The following VEPH1 variants were observed in gnomAD, a reference collection of about 807,000 sequenced individuals.
VEPH1 encodes the protein ventricular zone expressed PH domain containing 1.
Under a neutral mutation model 85.2 loss-of-function variants are expected in VEPH1, and 80 were observed. That is an observed-to-expected ratio of 0.94 (90% confidence interval 0.78 to 1.13). The LOEUF is 1.13. Among genes scored for constraint, VEPH1 ranks in the 50% most tolerant of loss-of-function variants. VEPH1 has a pLI of 0.00. For synonymous variants in VEPH1, 297 were observed against 348.0 expected (o/e 0.85, Z 1.63); for missense variants, 955 against 980.5 (o/e 0.97, Z 0.35).
rs966447344 is a variant in VEPH1, at chr3:157,467,064, G to A, written c.354+3250C>T. ...GAAAAGGAATGGTCACCTGAAGTAG[G>A]TTTGAGCGTAGGCCGACAAGAGGAA... On this transcript the variant is annotated intron_variant, in intron 3 of 13. Transcript: ENST00000362010. Among the ~76,000 whole-genome samples the A allele has an allele frequency of 3.9e-5, 6 of 151,976 alleles. No homozygotes were observed. In the East Asian group the frequency reaches 1.2e-3, roughly 29 times the overall value.
At chr3:157,368,476 G>GTTTT (rs59050089) in intron 7 of VEPH1, among the ~76,000 whole-genome samples, 52,831 of 139,704 alleles carry the variant, frequency 0.38, 10,361 homozygotes, top group East Asian at 0.7. Context: ...TAAACAATAA[G>GTTTT]TTTTTTGTTT....
intron 9 of VEPH1, among the ~76,000 whole-genome samples, chr3:157,331,442 A>G (rs1722496563): frequency 6.6e-6 from 1 of 152,178 alleles, no homozygotes; most frequent in Non-Finnish European, 1.5e-5. Context: ...TTTCAGCCCC[A>G]TGCATGCCTT....
chr3:157,503,434 G>A (rs1237069532), upstream of VEPH1: 1 of 152,228 alleles, frequency 6.6e-6, no homozygotes, highest in African/African-American at 2.4e-5. Flanking sequence ...TGCCTGTCAA[G>A]CCAGTGGTAC....
rs117287461 is a variant in VEPH1 at position 157,435,443 on chromosome 3, G to C, written c.530-6955C>G. Among the ~76,000 whole-genome samples the C allele has an allele frequency of 3.3e-3, 504 of 152,332 alleles. 4 individuals carry two copies. The highest frequency in any genetic ancestry group is 0.031 in the East Asian group (161 of 5,182). ...AAAGGGACCTTGTAGAGTTCAAAGA[G>C]AGACATGATTGCTTCCTACCTCTTT... On this transcript the variant is annotated intron_variant, in intron 4 of 13. Transcript: ENST00000362010.
chr3:157,442,582 G>A (rs879192748), intron 4 of VEPH1: 2 of 1,614,110 alleles, frequency 1.2e-6, no homozygotes, highest in Admixed American at 1.7e-5. Flanking sequence ...TTTGTGGTGG[G>A]TGGAGAGGAG....
intron 4 of VEPH1, chr3:157,437,994 A>G: frequency 6.8e-7 from 1 of 1,469,510 alleles, no homozygotes; most frequent in South Asian, 1.3e-5. Flanking sequence ...AAGCCAGGCA[A>G]CCTTCTAGGG....
rs115583285 is a variant in VEPH1, at chr3:157,298,854, T to G, written c.2011-12180A>C. ...AATCCCTAAGGGGGAAAGGGTAATA[T>G]GTCCCTACAACCAACATTTTTCCAA... On this transcript the variant is annotated intron_variant, in intron 11 of 13. Transcript: ENST00000362010. 5.5e-3 allele frequency among the ~76,000 whole-genome samples: 840 copies of G among 152,320 alleles called. 14 individuals are homozygous for G. Among genetic ancestry groups the G allele is most frequent in the African/African-American group, 0.019 (789 of 41,562 alleles).
intron 9 of VEPH1, among the ~76,000 whole-genome samples, chr3:157,337,230 G>A (rs1214156000): frequency 2.6e-5 from 4 of 151,286 alleles, no homozygotes; most frequent in East Asian, 1.9e-4. Context: ...ATAGCAGTGC[G>A]ATAAATGTTA....
chr3:157,329,959 A>G (rs1722330206), intron 9 of VEPH1, among the ~76,000 whole-genome samples: 1 of 152,218 alleles, frequency 6.6e-6, no homozygotes, highest in East Asian at 1.9e-4. Flanking sequence ...CAGAACCTCT[A>G]GAAGCTCAGA....
intron 9 of VEPH1, among the ~76,000 whole-genome samples, chr3:157,362,380 C>T (rs1354206281): frequency 6.6e-6 from 1 of 152,132 alleles, no homozygotes; most frequent in Non-Finnish European, 1.5e-5. Flanking sequence ...TGAGGAAGGT[C>T]CTGGCCCCTG....
At chr3:157,458,442 T>G (rs1396451929) in intron 4 of VEPH1, among the ~76,000 whole-genome samples, 1 of 152,206 alleles carries the variant, frequency 6.6e-6, no homozygotes, top group Non-Finnish European at 1.5e-5. Context: ...TCTTTCTAAC[T>G]TTTTGATTTG....
intron 4 of VEPH1, among the ~76,000 whole-genome samples, chr3:157,433,957 G>A (rs1056266169): frequency 1.3e-5 from 2 of 151,882 alleles, no homozygotes; most frequent in African/African-American, 4.8e-5. Flanking sequence ...TATGATATAT[G>A]TGAACTTATC....
rs1375949823 is a variant in VEPH1 at position 157,369,188 on chromosome 3, A to ACAAAAC, written c.1128-4677_1128-4676insGTTTTG. On this transcript the variant is annotated intron_variant, in intron 7 of 13. Transcript: ENST00000362010. ...AACAACAAAAACCAAATGAAAAAAA[A>ACAAAAC]AAAAAAAAAAAAAAAACCTCCTGAG... Among the ~76,000 whole-genome samples the ACAAAAC allele has an allele frequency of 4.0e-4, 58 of 143,818 alleles. 1 individual carries two copies. The East Asian group carries it at 0.01, about 26-fold the overall frequency. The allele number at this position is 143,818 out of a possible 152,430, so 94.4% of individuals were successfully genotyped here.
At chr3:157,394,767 G>A (rs1387207834) in intron 6 of VEPH1, among the ~76,000 whole-genome samples, 1 of 152,136 alleles carries the variant, frequency 6.6e-6, no homozygotes, top group Non-Finnish European at 1.5e-5. Context: ...AGACCTCTAA[G>A]CCAGCAGAAC....
At chr3:157,459,205 C>A (rs1735622089) in intron 4 of VEPH1, among the ~76,000 whole-genome samples, 1 of 152,210 alleles carries the variant, frequency 6.6e-6, no homozygotes, top group Non-Finnish European at 1.5e-5. Context: ...GGAGTGGAGT[C>A]CATTCCTGGG....
intron 4 of VEPH1, chr3:157,438,035 G>GCACACACACA (rs1294089889): frequency 1.3e-5 from 9 of 701,894 alleles, no homozygotes; most frequent in East Asian, 7.1e-5. Context: ...GCGCGCGCGC[G>GCACACACACA]CGCACACACA....
At chr3:157,311,165 T>C (rs2108504709) in intron 11 of VEPH1, among the ~76,000 whole-genome samples, 1 of 152,366 alleles carries the variant, frequency 6.6e-6, no homozygotes, top group South Asian at 2.1e-4. Context: ...TGCAATTTAA[T>C]AGATATCTCA....
chr3:157,454,535 A>C (rs1032631749), intron 4 of VEPH1, among the ~76,000 whole-genome samples: 2 of 152,210 alleles, frequency 1.3e-5, no homozygotes, highest in Admixed American at 1.3e-4. Context: ...TGGTAACCCC[A>C]ACTCCTGGGT....
At chr3:157,385,783 G>T (rs1258453128) in intron 6 of VEPH1, among the ~76,000 whole-genome samples, 1 of 152,162 alleles carries the variant, frequency 6.6e-6, no homozygotes, top group Non-Finnish European at 1.5e-5. Flanking sequence ...AAGGTTAGTT[G>T]TGATATGTGA....
Sources: allele counts gnomAD v4.1 joint callset (sites outside exome capture counted in the v4.1 genomes callset), GRCh38; gene constraint gnomAD v4.1.1; transcripts MANE v1.5; gene names NCBI Gene and HGNC (gene_info 2026-07-23, HGNC 2026-07-21).